Variants in ROR1 observed in about 807,000 individuals in gnomAD.
The protein encoded by ROR1 is inactive tyrosine-protein kinase transmembrane receptor ROR1.
ROR1 carries 19 observed loss-of-function variants against 78.8 expected under a neutral mutation model. That is an observed-to-expected ratio of 0.24 (90% CI 0.17 to 0.35). The LOEUF (loss-of-function observed/expected upper bound fraction) is 0.35. Ranked by LOEUF, ROR1 falls within the 10% of genes least tolerant of loss-of-function variation. The probability of loss-of-function intolerance (pLI) is 1.00; values close to 1 mark genes in which losing one functional copy is unlikely to be tolerated. For synonymous variants in ROR1, 386 were observed against 433.6 expected (o/e 0.89, Z 1.36); for missense variants, 917 against 1,177.8 (o/e 0.78, Z 3.24).
rs1650435869 is a variant in ROR1, at chr1:64,178,050, C to T, written c.2009C>T (p.Ser670Phe). Residue 670 changes from serine to phenylalanine, a missense_variant, in exon 9 of 9, where the codon TCT becomes TTT. Ser to Phe is a radical substitution (Grantham distance 155, BLOSUM62 -2). This residue lies in a region of ROR1 where 835 missense variants were observed against 1,069.8 expected (regional missense o/e 0.78). Coordinates refer to ENST00000371079, the MANE Select transcript of ROR1 (RefSeq NM_005012.4). The surrounding 1 kb of genome is among the most constrained non-coding windows in gnomAD (Gnocchi z 4.3). ...PPEAIMYGKF[S>F]SDSDIWSFGV... ...GAAGCCATCATGTATGGCAAATTCT[C>T]TTCTGATTCAGATATCTGGTCCTTT... The T allele has an allele frequency of 1.2e-6, 2 of 1,614,170 alleles. No homozygotes were observed. The highest frequency in any genetic ancestry group is 1.7e-6 in the Non-Finnish European group (2 of 1,180,036).
At position 63,882,793 on chromosome 1, in the gene ROR1, T is replaced by G. The variant is rs199555249; in HGVS notation, c.91+108285T>G. On this transcript the variant is annotated intron_variant, in intron 1 of 8. Transcript: ENST00000371079. Reference sequence around the variant, plus strand: ...CTGTCTCCTTCTGTCATGGGCCTACTACAAAAGGAGTGTTCATTTTGGTAA... The same window carrying G: ...CTGTCTCCTTCTGTCATGGGCCTACGACAAAAGGAGTGTTCATTTTGGTAA... 4.6e-5 allele frequency among the ~76,000 whole-genome samples: 7 copies of G among 152,172 alleles called. No individual in the cohort carries two copies. The East Asian group carries it at 1.3e-3, about 29-fold the overall frequency.
chr1:64,028,712 C>T (rs1646636115), intron 2 of ROR1, among the ~76,000 whole-genome samples: 2 of 152,136 alleles, frequency 1.3e-5, no homozygotes, highest in African/African-American at 2.4e-5. Context: ...TATTTTGGTA[C>T]AGGTGTGCAA....
At chr1:63,976,000 G>GA (rs1321257403) in intron 1 of ROR1, among the ~76,000 whole-genome samples, 5 of 152,066 alleles carry the variant, frequency 3.3e-5, no homozygotes, top group African/African-American at 9.7e-5. Context: ...TGGGGAATTT[G>GA]AAAAAATGTA....
rs117407580 is a variant in ROR1 at position 63,927,804 on chromosome 1, T to C, written c.92-81501T>C. 3.5e-4 allele frequency among the ~76,000 whole-genome samples: 54 copies of C among 152,304 alleles called. No homozygotes were observed. The East Asian group carries it at 0.01, about 29-fold the overall frequency. On this transcript the variant is annotated intron_variant, in intron 1 of 8. Transcript: ENST00000371079. ...GGAATTTAAGTTTCAGGACATTCCA[T>C]CTTGCTTCTTTTGTTTCCTCAACGA...
At chr1:63,944,222 A>C (rs1162392188) in intron 1 of ROR1, among the ~76,000 whole-genome samples, 2 of 152,196 alleles carry the variant, frequency 1.3e-5, no homozygotes, top group Non-Finnish European at 2.9e-5. Flanking sequence ...GAGATTGGCT[A>C]AACCAAGCAC....
chr1:63,884,309 G>A (rs140390586), intron 1 of ROR1, among the ~76,000 whole-genome samples: 12 of 152,286 alleles, frequency 7.9e-5, no homozygotes, highest in Non-Finnish European at 1.6e-4. Flanking sequence ...TCTTGGTAAA[G>A]TCAGACTGTT....
intron 4 of ROR1, among the ~76,000 whole-genome samples, chr1:64,081,768 C>CAAAAAAAAAAAAAA (rs55945635): frequency 1.0e-5 from 1 of 98,906 alleles, no homozygotes; most frequent in Non-Finnish European, 1.9e-5. Context: ...GAGACACTGT[C>CAAAAAAAAAAAAAA]AAAAAAAAAA....
chr1:63,804,282 CAT>C (rs1329201011), intron 1 of ROR1, among the ~76,000 whole-genome samples: 7 of 152,154 alleles, frequency 4.6e-5, no homozygotes, highest in Non-Finnish European at 1.0e-4. Flanking sequence ...CACAAACACA[CAT>C]GAGTGCATGT....
chr1:63,970,504 C>T (rs1158418014), intron 1 of ROR1, among the ~76,000 whole-genome samples: 1 of 152,144 alleles, frequency 6.6e-6, no homozygotes, highest in African/African-American at 2.4e-5. Context: ...CTGGTTATAA[C>T]TCTTGCTTCC....
rs1644603049 is a variant in ROR1 at position 63,774,732 on chromosome 1, A to T, written c.91+224A>T. On this transcript the variant is annotated intron_variant, in intron 1 of 8. Coordinates refer to ENST00000371079, the MANE Select transcript of ROR1 (RefSeq NM_005012.4). The surrounding 1 kb of genome is among the most constrained non-coding windows in gnomAD (Gnocchi z 5.7). The stretch of plus-strand genomic sequence containing the variant: ...CCCCGCGGCGGGCCGGGGCGCGCCC[A>T]GGGACTCGTTCCTCGGTGCGCAGCA... 6.6e-6 allele frequency among the ~76,000 whole-genome samples: 1 copy of T among 151,294 alleles called. No homozygotes were observed. Among genetic ancestry groups the T allele is most frequent in the Non-Finnish European group, 1.5e-5 (1 of 67,746 alleles).
At chr1:63,908,802 A>G (rs1645547121) in intron 1 of ROR1, among the ~76,000 whole-genome samples, 3 of 152,226 alleles carry the variant, frequency 2.0e-5, no homozygotes, top group Admixed American at 2.0e-4. Context: ...AGCAGAACCC[A>G]GCAGTGCCAG....
At chr1:63,986,172 T>C (rs138832888) in intron 1 of ROR1, among the ~76,000 whole-genome samples, 1 of 152,142 alleles carries the variant, frequency 6.6e-6, no homozygotes, top group Non-Finnish European at 1.5e-5. Context: ...GAGAAGGGAA[T>C]GATGTCTGCT....
intron 4 of ROR1, among the ~76,000 whole-genome samples, chr1:64,058,094 T>C (rs951363955): frequency 1.3e-5 from 2 of 152,206 alleles, no homozygotes; most frequent in Non-Finnish European, 2.9e-5. Context: ...TTCATGCTAT[T>C]GGAAATGGAA....
intron 4 of ROR1, among the ~76,000 whole-genome samples, chr1:64,130,846 GA>G (rs1648889055): frequency 6.6e-6 from 1 of 152,182 alleles, no homozygotes; most frequent in Admixed American, 6.5e-5. Flanking sequence ...TTTACCTTGA[GA>G]GATCTGTTTG....
rs561660870 is a variant in ROR1 at position 64,154,381 on chromosome 1, A to T, written c.1175-4600A>T. ...CCTGTTTGTTTTCTATGGTTTTTAA[A>T]TTTTTTTCAGTCAAGGTTATAATTT... is the stretch of plus-strand genomic sequence containing the variant. On this transcript the variant is annotated intron_variant, in intron 7 of 8. Transcript: ENST00000371079. Among the ~76,000 whole-genome samples the T allele has an allele frequency of 2.8e-4, 42 of 152,228 alleles. No individual in the cohort carries two copies. In the Middle Eastern group the frequency reaches 0.01, roughly 37 times the overall value.
chr1:63,891,521 A>G (rs1645396097), intron 1 of ROR1, among the ~76,000 whole-genome samples: 1 of 152,150 alleles, frequency 6.6e-6, no homozygotes, highest in South Asian at 2.1e-4. Flanking sequence ...TTAGGTGTCA[A>G]CTTGACTAGG....
chr1:64,052,996 A>G lies in ROR1; in HGVS notation c.482+2280A>G, dbSNP rs142892791. On this transcript the variant is annotated intron_variant, in intron 4 of 8. Transcript: ENST00000371079. ...CATGCCTAGCTTCGGAGTAGCCCTC[A>G]ATAGGCAGCCAACCTTCTCTCCAAG... 4.2e-3 allele frequency among the ~76,000 whole-genome samples: 639 copies of G among 152,288 alleles called. 1 individual carries two copies. Among genetic ancestry groups the G allele is most frequent in the African/African-American group, 0.012 (480 of 41,568 alleles).
intron 4 of ROR1, among the ~76,000 whole-genome samples, chr1:64,124,776 T>C (rs1209375476): frequency 6.6e-6 from 1 of 152,228 alleles, no homozygotes; most frequent in Non-Finnish European, 1.5e-5. Context: ...TGGATGCCTC[T>C]GCCTTCCAAC....
At chr1:63,839,246 A>G (rs1645035173) in intron 1 of ROR1, among the ~76,000 whole-genome samples, 1 of 152,206 alleles carries the variant, frequency 6.6e-6, no homozygotes, top group Non-Finnish European at 1.5e-5. Context: ...TGGTTTAAAG[A>G]AAGAGACAGC....
Sources: gnomAD v4.1 joint callset for allele counts (sites outside exome capture counted in the v4.1 genomes callset) on GRCh38, gnomAD v4.1.1 for gene constraint, gnomAD v4.1.1 regional missense constraint, Gnocchi (gnomAD v3.1) non-coding constraint, MANE v1.5 for transcripts, NCBI Gene and HGNC (gene_info 2026-07-23, HGNC 2026-07-21) for gene names.